ATP9A: variants seen among roughly 807,000 people sequenced by gnomAD.
The protein encoded by ATP9A is probable phospholipid-transporting ATPase IIA.
A neutral mutation model predicts 144.1 loss-of-function variants in ATP9A; 52 were observed. The observed-to-expected ratio is 0.36, with a 90% CI of 0.29 to 0.45. The LOEUF (loss-of-function observed/expected upper bound fraction) is 0.45. Ranked by LOEUF, ATP9A falls within the 20% of genes least tolerant of loss-of-function variation. The pLI, the probability that ATP9A is intolerant of heterozygous loss-of-function variation, is 1.00. For synonymous variants in ATP9A, 582 were observed against 557.4 expected, an observed-to-expected ratio of 1.04 and a Z score of -0.62; for missense variants, 947 against 1,392.7, an observed-to-expected ratio of 0.68 and a Z score of 5.09.
rs992384654 is a variant in ATP9A at position 51,596,615 on chromosome 20, G to GTT, written c.*4594_*4595dup. 6.6e-6 allele frequency: 1 copy of GTT among 151,500 alleles called. No individual in the cohort carries two copies. The highest frequency in any genetic ancestry group is 1.9e-4 in the East Asian group (1 of 5,182). 9.4% of individuals were successfully genotyped at this position (151,500 alleles called of 1,614,324 possible). A position where few individuals can be genotyped will look rare whatever the true frequency, so the allele number is the denominator to read the frequency against. On this transcript the variant is annotated 3_prime_UTR_variant, in exon 28 of 28. Coordinates refer to ENST00000338821, the MANE Select transcript of ATP9A (RefSeq NM_006045.3). ...AATAAATAACATGCATTGATTTGGG[G>GTT]TTTTTTTTGCCAAAATCAAAATAAT...
chr20:51,762,493 CA>C (rs1262709304), intron 1 of ATP9A, among the ~76,000 whole-genome samples: 16,935 of 124,978 alleles, frequency 0.14, 1,471 homozygotes, highest in African/African-American at 0.28. Context: ...GACTCTGTCT[CA>C]AAAAAAAAAA....
At chr20:51,643,085 G>A (rs899060764) in intron 14 of ATP9A, among the ~76,000 whole-genome samples, 1 of 152,102 alleles carries the variant, frequency 6.6e-6, no homozygotes, top group Non-Finnish European at 1.5e-5. Context: ...CTCAGATATC[G>A]AGTTCAGTTT....
Position 51,656,781 on chromosome 20 carries a change from G to A in ATP9A, c.1506+157C>T, listed in dbSNP as rs112942103. Among the ~76,000 whole-genome samples the A allele has an allele frequency of 2.7e-3, 408 of 152,202 alleles. 4 individuals carry two copies. The highest frequency in any genetic ancestry group is 9.2e-3 in the African/African-American group (383 of 41,530). ...AGGCTATTCTTTTTAGAGGAAAGGC[G>A]TTTCTTTCTTGTATTTGAAAATGTG... is the stretch of plus-strand genomic sequence containing the variant. On this transcript the variant is annotated intron_variant, in intron 14 of 27. Transcript: ENST00000338821.
At chr20:51,714,615 G>A (rs1483633272) in intron 3 of ATP9A, among the ~76,000 whole-genome samples, 3 of 152,088 alleles carry the variant, frequency 2.0e-5, no homozygotes, top group East Asian at 1.9e-4. Flanking sequence ...TGATCCACCC[G>A]CCTCGGCCTC....
chr20:51,739,655 T>C (rs1311004495), intron 1 of ATP9A, among the ~76,000 whole-genome samples: 1 of 152,156 alleles, frequency 6.6e-6, no homozygotes, highest in Non-Finnish European at 1.5e-5. Context: ...CCCAGGGGTT[T>C]AGCTGAGCCC....
chr20:51,723,660 G>C (rs1360780045), intron 3 of ATP9A, among the ~76,000 whole-genome samples: 1 of 148,044 alleles, frequency 6.8e-6, no homozygotes, highest in East Asian at 2.3e-4. Flanking sequence ...GGATTCAAGC[G>C]ATTCTCCTGC....
intron 15 of ATP9A, among the ~76,000 whole-genome samples, chr20:51,636,553 C>T (rs75528507): frequency 0.015 from 2,333 of 152,248 alleles, 52 homozygotes; most frequent in African/African-American, 0.053. Flanking sequence ...CCCTAACCCC[C>T]AAGTCCTGGC....
At chr20:51,604,749 G>A (rs749042119) in intron 27 of ATP9A, 68 bp downstream of exon 27, 22 of 1,343,916 alleles carry the variant, frequency 1.6e-5, no homozygotes, top group South Asian at 3.7e-5. Context: ...TCCTTCATAC[G>A]GCAGTGAGAC....
At chr20:51,638,542 G>A (rs190021134) in intron 15 of ATP9A, among the ~76,000 whole-genome samples, 77 of 152,094 alleles carry the variant, frequency 5.1e-4, no homozygotes, top group South Asian at 5.0e-3. Flanking sequence ...TCCCCACGAC[G>A]GAAAGTGTGA....
chr20:51,616,999 T>G (rs1173065805), intron 22 of ATP9A, among the ~76,000 whole-genome samples: 1 of 149,414 alleles, frequency 6.7e-6, no homozygotes, highest in Non-Finnish European at 1.5e-5. Flanking sequence ...TGGAGTGCAG[T>G]GGCGCAATCT....
chr20:51,658,897 G>GGT (rs2077399785), intron 13 of ATP9A, among the ~76,000 whole-genome samples: 2 of 133,548 alleles, frequency 1.5e-5, no homozygotes, highest in African/African-American at 5.9e-5. Context: ...GCGGGGGGGG[G>GGT]GGGGGGAAGG....
chr20:51,764,183 G>GTCTCA (rs2077894120), intron 1 of ATP9A, among the ~76,000 whole-genome samples: 1 of 152,200 alleles, frequency 6.6e-6, no homozygotes, highest in African/African-American at 2.4e-5. Flanking sequence ...GACTCAGAGA[G>GTCTCA]GTAAAGTTAT....
chr20:51,750,629 T>C (rs2077827424), intron 1 of ATP9A, among the ~76,000 whole-genome samples: 1 of 152,214 alleles, frequency 6.6e-6, no homozygotes, highest in African/African-American at 2.4e-5. Flanking sequence ...TCCTCCCGAC[T>C]GTCCTACATC....
intron 19 of ATP9A, among the ~76,000 whole-genome samples, chr20:51,621,759 G>A (rs1168366284): frequency 6.6e-6 from 1 of 152,116 alleles, no homozygotes; most frequent in African/African-American, 2.4e-5. Flanking sequence ...TCATGTGTAT[G>A]AGTGGATCTG....
At chr20:51,727,060 G>A (rs1322885835) in intron 2 of ATP9A, among the ~76,000 whole-genome samples, 4 of 151,806 alleles carry the variant, frequency 2.6e-5, no homozygotes, top group Admixed American at 2.0e-4. Flanking sequence ...TTGGGAGGCT[G>A]AGGCAGGCGG....
chr20:51,608,534 T>C lies in ATP9A; in HGVS notation c.2729A>G (p.Tyr910Cys). Reference protein sequence around the residue: ...SEVAMLYPELYKDLLKGRPLS... With the variant: ...SEVAMLYPELCKDLLKGRPLS... The stretch of plus-strand genomic sequence containing the variant: ...TAACAGAACCTTGAGAAGATCCTTG[T>C]AGAGCTCAGGATACAGCATGGCAAC... The change falls in exon 25 of 28, where the codon TAC becomes TGC. Residue 910 changes from tyrosine (Y) to cysteine (C), a missense_variant. Tyr to Cys is a radical substitution (Grantham distance 194). Coordinates refer to ENST00000338821, the MANE Select transcript of ATP9A (RefSeq NM_006045.3). 6.2e-7 allele frequency: 1 copy of C among 1,603,978 alleles called. No individual in the cohort carries two copies. Among genetic ancestry groups the C allele is most frequent in the Non-Finnish European group, 8.5e-7 (1 of 1,170,754 alleles).
At chr20:51,651,194 TTTATA>T (rs1449145128) in intron 14 of ATP9A, among the ~76,000 whole-genome samples, 1 of 108,412 alleles carries the variant, frequency 9.2e-6, no homozygotes, top group African/African-American at 2.9e-5. Context: ...TAAATATTAT[TTTATA>T]TATTTATATA....
At chr20:51,605,974 A>T (rs2077161879) in intron 26 of ATP9A, among the ~76,000 whole-genome samples, 1 of 152,082 alleles carries the variant, frequency 6.6e-6, no homozygotes, top group Admixed American at 6.5e-5. Flanking sequence ...TTTTTTAAAA[A>T]AATAATAAAC....
At chr20:51,622,967 C>A (rs1005317730) in intron 18 of ATP9A, among the ~76,000 whole-genome samples, 2 of 152,150 alleles carry the variant, frequency 1.3e-5, no homozygotes, top group Admixed American at 6.5e-5. Context: ...AGCACCCACG[C>A]TGAGCTCTCT....
Sources: gnomAD v4.1 joint callset for allele counts (sites outside exome capture counted in the v4.1 genomes callset) on GRCh38, gnomAD v4.1.1 for gene constraint, MANE v1.5 for transcripts, NCBI Gene and HGNC (gene_info 2026-07-23, HGNC 2026-07-21) for gene names.